Variants in CREB5 observed in about 807,000 individuals in gnomAD.
The protein encoded by CREB5 is cyclic AMP-responsive element-binding protein 5.
In CREB5, 19 loss-of-function variants were observed where a neutral mutation model predicts 57.1. The observed-to-expected ratio is 0.33, with a 90% confidence interval of 0.23 to 0.49. The LOEUF (loss-of-function observed/expected upper bound fraction) is 0.49. Among genes scored for constraint, CREB5 ranks in the 20% least tolerant of loss-of-function variants. The pLI, the probability that CREB5 is intolerant of heterozygous loss-of-function variation, is 0.99. For missense variants in CREB5, 579 were observed against 671.6 expected (o/e 0.86, Z 1.52); for synonymous variants, 238 against 238.3 (o/e 1.00, Z 0.01).
intron 5 of CREB5, among the ~76,000 whole-genome samples, chr7:28,693,704 T>C (rs188372731): frequency 2.3e-4 from 35 of 152,348 alleles, no homozygotes; most frequent in South Asian, 1.7e-3. Context: ...TGACAATCTA[T>C]TGAAGCTTTC....
chr7:28,391,803 C>T (rs376040407), intron 1 of CREB5, among the ~76,000 whole-genome samples: 1 of 152,208 alleles, frequency 6.6e-6, no homozygotes, highest in Non-Finnish European at 1.5e-5. Flanking sequence ...GTTCCTTGCT[C>T]TTTACCTTCT....
chr7:28,433,762 T>C (rs759346271), intron 1 of CREB5, among the ~76,000 whole-genome samples: 1 of 152,080 alleles, frequency 6.6e-6, no homozygotes, highest in Non-Finnish European at 1.5e-5. Context: ...TCTTCATTAC[T>C]TGTGGTTGAT....
intron 1 of CREB5, among the ~76,000 whole-genome samples, chr7:28,378,678 A>T (rs1044134766): frequency 6.6e-6 from 1 of 152,130 alleles, no homozygotes. Context: ...TCCATCACTA[A>T]TTGAAATTTT....
chr7:28,331,969 T>C (rs1456117532), intron 1 of CREB5, among the ~76,000 whole-genome samples: 4 of 152,046 alleles, frequency 2.6e-5, no homozygotes, highest in Non-Finnish European at 4.4e-5. Flanking sequence ...CCTTTGAATA[T>C]AACTATTTGG....
chr7:28,496,503 A>T (rs1792055891), intron 3 of CREB5, among the ~76,000 whole-genome samples: 1 of 152,148 alleles, frequency 6.6e-6, no homozygotes, highest in Non-Finnish European at 1.5e-5. Flanking sequence ...ACAGGGGAGG[A>T]AGGGCACAGG....
intron 1 of CREB5, among the ~76,000 whole-genome samples, chr7:28,313,028 G>A (rs1040982075): frequency 2.0e-5 from 3 of 152,188 alleles, no homozygotes; most frequent in African/African-American, 7.2e-5. Context: ...AGTTTAGGTC[G>A]GTGTTTCTCA....
chr7:28,527,094 A>G (rs1270867527), intron 4 of CREB5, among the ~76,000 whole-genome samples: 3 of 152,180 alleles, frequency 2.0e-5, no homozygotes, highest in Admixed American at 2.0e-4. Context: ...GACATGACAT[A>G]CACCCTTTAG....
intron 4 of CREB5, among the ~76,000 whole-genome samples, chr7:28,559,908 G>A (rs924715721): frequency 1.3e-4 from 20 of 152,226 alleles, no homozygotes; most frequent in African/African-American, 4.6e-4. Context: ...TGCTATAGGT[G>A]AAAGGACTGG....
At chr7:28,467,147 T>A (rs902046763) in intron 1 of CREB5, among the ~76,000 whole-genome samples, 1 of 152,076 alleles carries the variant, frequency 6.6e-6, no homozygotes, top group Non-Finnish European at 1.5e-5. Context: ...CCTTTAGCCC[T>A]CCAACTGAGG....
intron 5 of CREB5, among the ~76,000 whole-genome samples, chr7:28,585,680 C>T (rs55934469): frequency 2.6e-5 from 4 of 152,188 alleles, no homozygotes; most frequent in African/African-American, 9.6e-5. Context: ...TCCCAGAAAC[C>T]TAATGCTCCG....
intron 5 of CREB5, among the ~76,000 whole-genome samples, chr7:28,655,530 G>T (rs1193554878): frequency 6.6e-6 from 1 of 152,130 alleles, no homozygotes; most frequent in African/African-American, 2.4e-5. Context: ...AGAGAGAATT[G>T]CTTGAGACCA....
intron 5 of CREB5, among the ~76,000 whole-genome samples, chr7:28,644,073 G>T (rs1328970922): frequency 6.6e-6 from 1 of 151,436 alleles, no homozygotes; most frequent in African/African-American, 2.4e-5. Context: ...ACAAGATTCA[G>T]TGTCAAAGAA....
intron 5 of CREB5, among the ~76,000 whole-genome samples, chr7:28,703,905 A>C (rs1465448076): frequency 1.3e-5 from 2 of 152,182 alleles, no homozygotes; most frequent in African/African-American, 2.4e-5. Flanking sequence ...ACCTACCATC[A>C]CAGGCACCAT....
intron 5 of CREB5, among the ~76,000 whole-genome samples, chr7:28,616,165 C>A (rs1229408554): frequency 6.6e-6 from 1 of 152,098 alleles, no homozygotes; most frequent in Non-Finnish European, 1.5e-5. Context: ...GATTTAGAGT[C>A]AAGTTCAAAT....
rs543488414 is a variant in CREB5 at position 28,372,454 on chromosome 7, C to A, written c.-25+73013C>A. Among the ~76,000 whole-genome samples, 5 of 152,160 alleles carry A rather than the reference C, an allele frequency of 3.3e-5. No individual in the cohort carries two copies. The South Asian group carries it at 8.3e-4, about 25-fold the overall frequency. On this transcript the variant is annotated intron_variant, in intron 1 of 9. Transcript: ENST00000396299. ...CCTTGTGTGTTAGCCTGGTAAAAAG[C>A]AAAATAAAGCTCAGCAATATATTTT...
chr7:28,566,478 C>A (rs1795484170), intron 4 of CREB5, among the ~76,000 whole-genome samples: 1 of 152,212 alleles, frequency 6.6e-6, no homozygotes, highest in African/African-American at 2.4e-5. Flanking sequence ...TTCACATCTA[C>A]CCCTCTGTAC....
At chr7:28,649,858 A>G (rs1583478897) in intron 5 of CREB5, among the ~76,000 whole-genome samples, 1 of 152,232 alleles carries the variant, frequency 6.6e-6, no homozygotes, top group Non-Finnish European at 1.5e-5. Flanking sequence ...CATCAGGATT[A>G]TAATACTTTC....
intron 1 of CREB5, among the ~76,000 whole-genome samples, chr7:28,315,182 A>C (rs945362141): frequency 6.6e-6 from 1 of 152,188 alleles, no homozygotes; most frequent in Non-Finnish European, 1.5e-5. Flanking sequence ...CAAGGCAACG[A>C]CTTCCTGTGG....
At chr7:28,391,423 T>C (rs911072565) in intron 1 of CREB5, among the ~76,000 whole-genome samples, 3 of 152,240 alleles carry the variant, frequency 2.0e-5, no homozygotes, top group Non-Finnish European at 4.4e-5. Flanking sequence ...TTATGTGCCA[T>C]AGAATGAATG....
Sources: gnomAD v4.1 joint callset for allele counts (sites outside exome capture counted in the v4.1 genomes callset) on GRCh38, gnomAD v4.1.1 for gene constraint, MANE v1.5 for transcripts, NCBI Gene and HGNC (gene_info 2026-07-23, HGNC 2026-07-21) for gene names.